The following SAMMSON variants were observed in gnomAD, a reference collection of about 807,000 sequenced individuals.
SAMMSON encodes survival associated mitochondrial melanoma specific oncogenic non-coding RNA.
chr3:70,017,458 G>A (rs541044009), intron 3 of SAMMSON, among the ~76,000 whole-genome samples: 9 of 152,174 alleles, frequency 5.9e-5, no homozygotes, highest in Non-Finnish European at 1.0e-4. Flanking sequence ...TGCTGAAGTT[G>A]CCTATCAGCT....
chr3:70,078,828 C>A (rs879833710), intron 4 of SAMMSON, among the ~76,000 whole-genome samples: 51 of 152,186 alleles, frequency 3.4e-4, no homozygotes, highest in Non-Finnish European at 2.2e-4. Flanking sequence ...TCCTGGGCAA[C>A]TCTCTTGCCT....
chr3:70,229,481 G>A (rs565694550), intron 4 of SAMMSON, among the ~76,000 whole-genome samples: 1 of 152,214 alleles, frequency 6.6e-6, no homozygotes, highest in East Asian at 1.9e-4. Context: ...CCTTTTTCTG[G>A]GCACACGGTT....
intron 4 of SAMMSON, among the ~76,000 whole-genome samples, chr3:70,123,205 G>A (rs1216500466): frequency 2.6e-5 from 4 of 152,160 alleles, no homozygotes; most frequent in African/African-American, 4.8e-5. Context: ...TGATGCTGCT[G>A]GACTGGGGAC....
intron 2 of SAMMSON, among the ~76,000 whole-genome samples, chr3:70,398,993 G>T (rs1258660864): frequency 6.6e-6 from 1 of 152,214 alleles, no homozygotes; most frequent in Non-Finnish European, 1.5e-5. Context: ...ATTTGAAAAT[G>T]TAACTCTTAG....
chr3:70,359,237 T>A (rs1353080940), intron 9 of SAMMSON, among the ~76,000 whole-genome samples: 1 of 152,172 alleles, frequency 6.6e-6, no homozygotes, highest in Non-Finnish European at 1.5e-5. Context: ...TGTAACTTAA[T>A]GTGAGCAATC....
chr3:70,279,515 A>G (rs530360514), intron 6 of SAMMSON, among the ~76,000 whole-genome samples: 4 of 151,972 alleles, frequency 2.6e-5, no homozygotes, highest in Admixed American at 2.6e-4. Flanking sequence ...GTTCTCCTCC[A>G]CTACTTTCTT....
chr3:70,420,824 G>A (rs999762029), intron 2 of SAMMSON, among the ~76,000 whole-genome samples: 1 of 152,134 alleles, frequency 6.6e-6, no homozygotes, highest in African/African-American at 2.4e-5. Context: ...TTAAGTGTAG[G>A]TGTATGCCAG....
At chr3:70,004,078 CTG>C (rs1006749022) in intron 1 of SAMMSON, among the ~76,000 whole-genome samples, 7 of 151,752 alleles carry the variant, frequency 4.6e-5, no homozygotes, top group African/African-American at 7.3e-5. Context: ...TTTCATATAA[CTG>C]GGGTTAAAAT....
At position 70,290,768 on chromosome 3, in the gene SAMMSON, C is replaced by T. The variant is rs138594524; in HGVS notation, n.675-411C>T. On this transcript the variant is annotated intron_variant and non_coding_transcript_variant, in intron 6 of 9. Coordinates refer to ENST00000642114, the Ensembl canonical transcript of SAMMSON. ...TGCAGGTTATAATCTCGTGGTGCGC[C>T]GTTTTTTAAGCTTGTCGGAAAAGCG... Among the ~76,000 whole-genome samples, 126 of 152,298 alleles carry T rather than the reference C, an allele frequency of 8.3e-4. 2 individuals are homozygous for T. The East Asian group carries it at 0.022, about 27-fold the overall frequency.
At chr3:70,090,283 A>G (rs73105923) in intron 4 of SAMMSON, among the ~76,000 whole-genome samples, 11,288 of 152,270 alleles carry the variant, frequency 0.074, 559 homozygotes, top group Non-Finnish European at 0.11. Flanking sequence ...TAGGGTGGCA[A>G]ATACCATCTG....
At chr3:70,370,948 G>T (rs575041371) in intron 9 of SAMMSON, among the ~76,000 whole-genome samples, 1 of 152,018 alleles carries the variant, frequency 6.6e-6, no homozygotes, top group Admixed American at 6.6e-5. Flanking sequence ...TATAGTTTTG[G>T]GTCTTAAGTT....
chr3:70,017,063 G>A (rs1174152660), intron 3 of SAMMSON, among the ~76,000 whole-genome samples: 6 of 152,168 alleles, frequency 3.9e-5, no homozygotes, highest in East Asian at 1.9e-4. Context: ...TTGACTTGGC[G>A]ATGTGGGCTC....
intron 9 of SAMMSON, among the ~76,000 whole-genome samples, chr3:70,360,525 G>A (rs1171287941): frequency 6.6e-6 from 1 of 152,088 alleles, no homozygotes; most frequent in African/African-American, 2.4e-5. Context: ...CAGACTAAAC[G>A]CACTCTATTC....
In SAMMSON at chr3:70,340,119, C is replaced by T. The variant is rs536958290; in HGVS notation, n.740-14056C>T. ...GTCCTTTGTAGGGACATGGATGAAG[C>T]TGGAAACCATCATTTTGGGCAAACA... On this transcript the variant is annotated intron_variant and non_coding_transcript_variant, in intron 7 of 9. Transcript: ENST00000642114. Among the ~76,000 whole-genome samples, 6 of 151,908 alleles carry T rather than the reference C, an allele frequency of 3.9e-5. No individual in the cohort carries two copies. In the East Asian group the frequency reaches 1.2e-3, roughly 30 times the overall value.
intron 4 of SAMMSON, chr3:70,172,271 C>CTTTTTTTTT (rs5742405): frequency 1.5e-5 from 2 of 135,018 alleles, no homozygotes; most frequent in Non-Finnish European, 3.3e-5. Context: ...CATTAGTGGT[C>CTTTTTTTTT]TTTTTTTTTT....
rs139476170 is a variant in SAMMSON, at chr3:70,278,814, C to T, written n.675-12365C>T. Among the ~76,000 whole-genome samples, 153 of 152,046 alleles carry T rather than the reference C, an allele frequency of 1.0e-3. 4 individuals carry two copies. In the East Asian group the frequency reaches 0.027, roughly 27 times the overall value. On this transcript the variant is annotated intron_variant and non_coding_transcript_variant, in intron 6 of 9. Coordinates refer to ENST00000642114, the Ensembl canonical transcript of SAMMSON. ...ACTTATGTTTCCTATGCCTCAGATT[C>T]TTCTTCTATAAAGGATAGCAAGCCA...
At chr3:70,287,592 T>A (rs1702179314) in intron 6 of SAMMSON, among the ~76,000 whole-genome samples, 1 of 152,148 alleles carries the variant, frequency 6.6e-6, no homozygotes, top group Non-Finnish European at 1.5e-5. Context: ...GAGGGAGGAT[T>A]CCCTCTTTTT....
intron 1 of SAMMSON, among the ~76,000 whole-genome samples, chr3:70,003,617 A>G (rs1271686277): frequency 6.6e-6 from 1 of 151,796 alleles, no homozygotes; most frequent in Non-Finnish European, 1.5e-5. Context: ...TTAATATGAC[A>G]TTGTGTATTT....
At chr3:70,286,367 G>T (rs1286771158) in intron 6 of SAMMSON, among the ~76,000 whole-genome samples, 1 of 152,040 alleles carries the variant, frequency 6.6e-6, no homozygotes, top group African/African-American at 2.4e-5. Context: ...TCAGATAGTT[G>T]TAGATATGTG....
Sources: allele counts gnomAD v4.1 joint callset (sites outside exome capture counted in the v4.1 genomes callset), GRCh38; gene constraint gnomAD v4.1.1; transcripts MANE v1.5; gene names NCBI Gene and HGNC (gene_info 2026-07-23, HGNC 2026-07-21).